The following RBFOX1 variants were observed in gnomAD, a reference collection of about 807,000 sequenced individuals.
The protein encoded by RBFOX1 is RNA binding protein fox-1 homolog 1.
A neutral mutation model predicts 57.7 loss-of-function variants in RBFOX1; 8 were observed. That is an observed-to-expected ratio of 0.14 (90% CI 0.08 to 0.25). The LOEUF (loss-of-function observed/expected upper bound fraction) is 0.25. Ranked by LOEUF, RBFOX1 falls within the 10% of genes least tolerant of loss-of-function variation. The pLI is 1.00. For missense variants in RBFOX1, 611 were observed against 548.5 expected, an observed-to-expected ratio of 1.11 and a Z score of -1.14; for synonymous variants, 326 against 222.4, an observed-to-expected ratio of 1.47 and a Z score of -4.15.
chr16:7,209,071 G>C (rs1014407292), intron 4 of RBFOX1, among the ~76,000 whole-genome samples: 1 of 151,862 alleles, frequency 6.6e-6, no homozygotes. Flanking sequence ...GAGGTGGTCA[G>C]ATCACCTGAG....
rs551236830 is a variant in RBFOX1 at position 7,607,147 on chromosome 16, G to A, written c.623-138G>A. 6 of 654,414 alleles carry A rather than the reference G, an allele frequency of 9.2e-6. No homozygotes were observed. The South Asian group carries it at 1.1e-4, about 12-fold the overall frequency. 40.5% of individuals were successfully genotyped at this position (654,414 alleles called of 1,614,324 possible). On this transcript the variant is annotated intron_variant, in intron 9 of 15. Transcript: ENST00000550418. ...ATGTGTGGTTTTTAAGTATTTTTATGCATGCCCAAACGACACCTCCTTTAC... is the reference window on the plus strand; with the variant it reads ...ATGTGTGGTTTTTAAGTATTTTTATACATGCCCAAACGACACCTCCTTTAC...
Position 6,227,110 on chromosome 16 carries a change from C to T in RBFOX1, c.-126-89885C>T, listed in dbSNP as rs190048939. 3.0e-3 allele frequency among the ~76,000 whole-genome samples: 457 copies of T among 151,564 alleles called. 1 individual carries two copies. Among genetic ancestry groups the T allele is most frequent in the African/African-American group, 0.01 (415 of 41,324 alleles). Reference sequence around the variant, plus strand: ...CTGAACTCCAGCGTAGGTGACAGGGCGAGACTCTGTCTCAAGAAAAAAAAA... The same window carrying T: ...CTGAACTCCAGCGTAGGTGACAGGGTGAGACTCTGTCTCAAGAAAAAAAAA... On this transcript the variant is annotated intron_variant, in intron 1 of 15. Coordinates refer to ENST00000550418, the MANE Select transcript of RBFOX1 (RefSeq NM_018723.4).
chr16:5,488,930 A>G (rs1453082310), intron 2 of RBFOX1, among the ~76,000 whole-genome samples: 1 of 152,224 alleles, frequency 6.6e-6, no homozygotes, highest in African/African-American at 2.4e-5. Flanking sequence ...GTGCTGACTT[A>G]CATGTCAGTA....
At chr16:6,629,645 A>C (rs2098358110) in intron 2 of RBFOX1, among the ~76,000 whole-genome samples, 1 of 151,872 alleles carries the variant, frequency 6.6e-6, no homozygotes, top group Non-Finnish European at 1.5e-5. Flanking sequence ...AGAGCCCCTT[A>C]ACTGGAGATG....
intron 2 of RBFOX1, among the ~76,000 whole-genome samples, chr16:6,570,499 A>C (rs77530220): frequency 0.038 from 5,790 of 152,128 alleles, 312 homozygotes; most frequent in African/African-American, 0.12. Flanking sequence ...CTCTCTCTAT[A>C]TATATATATA....
chr16:6,228,516 A>G lies in RBFOX1; in HGVS notation c.-126-88479A>G, dbSNP rs552919861. 3.3e-5 allele frequency among the ~76,000 whole-genome samples: 5 copies of G among 152,240 alleles called. No individual in the cohort carries two copies. The South Asian group carries it at 8.3e-4, about 25-fold the overall frequency. On this transcript the variant is annotated intron_variant, in intron 1 of 15. Coordinates refer to ENST00000550418, the MANE Select transcript of RBFOX1 (RefSeq NM_018723.4). ...AGGAAATTCTGCCCTTTGCAACAAT[A>G]TGGTTGAACCTGGAGGACATTATGC...
chr16:7,171,093 A>G (rs1601766895), intron 4 of RBFOX1, among the ~76,000 whole-genome samples: 2 of 152,266 alleles, frequency 1.3e-5, no homozygotes, highest in Non-Finnish European at 2.9e-5. Flanking sequence ...GCTCCATCCC[A>G]GCTTTCTTCC....
At chr16:7,708,821 C>CCT (rs1568607654) in intron 14 of RBFOX1, among the ~76,000 whole-genome samples, 2 of 7,210 alleles carry the variant, frequency 2.8e-4, no homozygotes, top group Admixed American at 5.8e-3. Flanking sequence ...TATGTAAGTA[C>CCT]GTGTGTATAT....
chr16:7,460,836 A>C (rs1387140153), intron 4 of RBFOX1, among the ~76,000 whole-genome samples: 2 of 152,146 alleles, frequency 1.3e-5, no homozygotes, highest in South Asian at 2.1e-4. Context: ...CTCCCTCCCA[A>C]AATTTCTGAT....
chr16:7,357,527 A>T (rs776942624), intron 4 of RBFOX1, among the ~76,000 whole-genome samples: 1 of 152,052 alleles, frequency 6.6e-6, no homozygotes, highest in Non-Finnish European at 1.5e-5. Context: ...ATGAAATCCA[A>T]CCACCTCCAC....
chr16:6,633,493 C>T (rs1243336889), intron 2 of RBFOX1, among the ~76,000 whole-genome samples: 1 of 151,998 alleles, frequency 6.6e-6, no homozygotes, highest in Non-Finnish European at 1.5e-5. Flanking sequence ...GGGTTTTCAC[C>T]ATGTTGAGCC....
rs111558061 is a variant in RBFOX1, at chr16:6,004,094, C to A, written c.351+136759C>A. Among the ~76,000 whole-genome samples, 917 of 152,236 alleles carry A rather than the reference C, an allele frequency of 6.0e-3. 13 individuals carry two copies. Among genetic ancestry groups the A allele is most frequent in the African/African-American group, 0.021 (889 of 41,540 alleles). On this transcript the variant is annotated intron_variant, in intron 4 of 19. Coordinates refer to the RBFOX1 transcript ENST00000641259. ...TAGCTAATGCATGTGGGGCTTAATACCAAGGTGATGGGTTGATAGGTGCAG... is the reference window on the plus strand; with the variant it reads ...TAGCTAATGCATGTGGGGCTTAATAACAAGGTGATGGGTTGATAGGTGCAG...
intron 3 of RBFOX1, among the ~76,000 whole-genome samples, chr16:6,660,604 G>A (rs767632784): frequency 1.2e-4 from 18 of 152,096 alleles, no homozygotes; most frequent in Non-Finnish European, 2.1e-4. Flanking sequence ...GTGACCTTGA[G>A]AAGCTTTCTT....
intron 3 of RBFOX1, among the ~76,000 whole-genome samples, chr16:6,697,510 C>A (rs1374530716): frequency 6.6e-6 from 1 of 152,168 alleles, no homozygotes; most frequent in Non-Finnish European, 1.5e-5. Flanking sequence ...TCTAATATCT[C>A]CTTATAAATC....
intron 3 of RBFOX1, among the ~76,000 whole-genome samples, chr16:5,607,002 G>A (rs964066509): frequency 2.0e-5 from 3 of 152,150 alleles, no homozygotes; most frequent in African/African-American, 7.2e-5. Context: ...GTGATTGTCT[G>A]GATCCAATTT....
chr16:6,895,418 A>ATATG (rs1412693999), intron 3 of RBFOX1, among the ~76,000 whole-genome samples: 1 of 86,934 alleles, frequency 1.2e-5, no homozygotes, highest in East Asian at 3.2e-4. Flanking sequence ...TTAGTAATAT[A>ATATG]TGTGTGTGTG....
At chr16:6,810,995 C>T (rs529305890) in intron 3 of RBFOX1, among the ~76,000 whole-genome samples, 1 of 152,262 alleles carries the variant, frequency 6.6e-6, no homozygotes, top group East Asian at 1.9e-4. Flanking sequence ...AACGGATTTA[C>T]ACAATTTTTG....
chr16:7,034,681 C>T (rs918584508), intron 3 of RBFOX1, among the ~76,000 whole-genome samples: 14 of 151,824 alleles, frequency 9.2e-5, no homozygotes, highest in African/African-American at 3.4e-4. Flanking sequence ...GGGAGCAGAA[C>T]AGGAGACATT....
chr16:6,209,122 CAGG>C (rs1197793477), intron 1 of RBFOX1, among the ~76,000 whole-genome samples: 12 of 152,308 alleles, frequency 7.9e-5, no homozygotes, highest in African/African-American at 2.6e-4. Flanking sequence ...AAACCTGTGA[CAGG>C]AGAAGTCTCA....
Sources: gnomAD v4.1 joint callset for allele counts (sites outside exome capture counted in the v4.1 genomes callset) on GRCh38, gnomAD v4.1.1 for gene constraint, MANE v1.5 for transcripts, NCBI Gene and HGNC (gene_info 2026-07-23, HGNC 2026-07-21) for gene names.